Variants in DNER observed in about 807,000 individuals in gnomAD.
DNER encodes the protein delta and Notch-like epidermal growth factor-related receptor.
A neutral mutation model predicts 78.2 loss-of-function variants in DNER; 33 were observed. The ratio of observed to expected loss-of-function variants is 0.42; its 90% CI spans 0.32 to 0.56. The LOEUF is 0.56. DNER is among the 20% of genes least tolerant of loss of function. The pLI, the probability that DNER is intolerant of heterozygous loss-of-function variation, is 0.11. For synonymous variants in DNER, 417 were observed against 384.8 expected, an observed-to-expected ratio of 1.08 and a Z score of -0.98; for missense variants, 918 against 975.3, an observed-to-expected ratio of 0.94 and a Z score of 0.78.
intron 1 of DNER, among the ~76,000 whole-genome samples, chr2:229,678,967 A>C (rs918996721): frequency 9.9e-5 from 15 of 152,222 alleles, no homozygotes; most frequent in African/African-American, 3.6e-4. Context: ...GGGCTTCCCC[A>C]ATGCTCCCCA....
intron 11 of DNER, among the ~76,000 whole-genome samples, chr2:229,387,377 A>G (rs1465732253): frequency 6.6e-6 from 1 of 151,986 alleles, no homozygotes; most frequent in Non-Finnish European, 1.5e-5. Context: ...CGTAATGTAG[A>G]TAACAGGTTG....
chr2:229,448,410 G>C (rs567458729), intron 7 of DNER, among the ~76,000 whole-genome samples: 1 of 152,186 alleles, frequency 6.6e-6, no homozygotes, highest in East Asian at 1.9e-4. Flanking sequence ...GTCCACTGGG[G>C]TGGATGGAAA....
At chr2:229,536,809 G>T (rs1174286488) in intron 5 of DNER, among the ~76,000 whole-genome samples, 1 of 152,194 alleles carries the variant, frequency 6.6e-6, no homozygotes, top group African/African-American at 2.4e-5. Context: ...AATGAAGTGT[G>T]AAATCGGGCC....
At chr2:229,398,639 AAAC>A (rs899797877) in intron 10 of DNER, among the ~76,000 whole-genome samples, 7 of 152,120 alleles carry the variant, frequency 4.6e-5, no homozygotes, top group Non-Finnish European at 7.4e-5. Flanking sequence ...TTCTTTTTTA[AAAC>A]AACAACTTGA....
chr2:229,392,466 T>C (rs1693036364), intron 10 of DNER, among the ~76,000 whole-genome samples: 1 of 151,858 alleles, frequency 6.6e-6, no homozygotes, highest in African/African-American at 2.4e-5. Context: ...GTAGCTGTAA[T>C]TTGTAGGAAA....
intron 7 of DNER, among the ~76,000 whole-genome samples, chr2:229,464,023 T>C (rs934122353): frequency 2.0e-4 from 31 of 152,154 alleles, no homozygotes; most frequent in African/African-American, 7.5e-4. Context: ...GGAAGAACCC[T>C]ATGATGTGTG....
At chr2:229,399,334 A>G (rs1322139122) in intron 10 of DNER, among the ~76,000 whole-genome samples, 1 of 151,862 alleles carries the variant, frequency 6.6e-6, no homozygotes, top group African/African-American at 2.4e-5. Context: ...GCATATATAC[A>G]TACCTACTTG....
intron 11 of DNER, among the ~76,000 whole-genome samples, chr2:229,373,410 A>G (rs1429783298): frequency 6.6e-6 from 1 of 152,238 alleles, no homozygotes; most frequent in Non-Finnish European, 1.5e-5. Context: ...ACGTCCCACC[A>G]GTCAGAATGG....
intron 4 of DNER, among the ~76,000 whole-genome samples, chr2:229,551,941 T>A (rs531057789): frequency 6.9e-4 from 105 of 151,298 alleles, no homozygotes; most frequent in African/African-American, 2.3e-3. Context: ...AAAAAATAAA[T>A]AAATAAATAA....
chr2:229,491,036 C>A (rs1054397850), intron 6 of DNER, among the ~76,000 whole-genome samples: 2 of 152,184 alleles, frequency 1.3e-5, no homozygotes, highest in Non-Finnish European at 2.9e-5. Flanking sequence ...TGGCTCAGCC[C>A]AGTTCATGCC....
At chr2:229,599,675 C>T (rs1297860716) in intron 1 of DNER, among the ~76,000 whole-genome samples, 2 of 152,102 alleles carry the variant, frequency 1.3e-5, no homozygotes, top group African/African-American at 4.8e-5. Context: ...ATTTAAAATG[C>T]AACACTATCA....
At chr2:229,363,975 C>G (rs1029903508) in intron 12 of DNER, among the ~76,000 whole-genome samples, 1 of 125,584 alleles carries the variant, frequency 8.0e-6, no homozygotes, top group Non-Finnish European at 1.7e-5. Flanking sequence ...AGAAACTTGT[C>G]AATTCTCTGC....
At chr2:229,434,545 A>T (rs774052172) in intron 8 of DNER, among the ~76,000 whole-genome samples, 18 of 149,698 alleles carry the variant, frequency 1.2e-4, no homozygotes, top group Non-Finnish European at 1.5e-4. Context: ...GTAAATTCTG[A>T]ATTCTCTTCC....
At chr2:229,601,335 A>T (rs545282725) in intron 1 of DNER, among the ~76,000 whole-genome samples, 2 of 150,786 alleles carry the variant, frequency 1.3e-5, no homozygotes, top group East Asian at 3.9e-4. Flanking sequence ...ATAAAGATAT[A>T]AAAAAAAATC....
chr2:229,697,635 A>G (rs975217490), intron 1 of DNER, among the ~76,000 whole-genome samples: 4 of 152,302 alleles, frequency 2.6e-5, no homozygotes, highest in East Asian at 3.9e-4. Flanking sequence ...ATATGAACAA[A>G]CTTCATTGAT....
intron 7 of DNER, among the ~76,000 whole-genome samples, chr2:229,448,598 T>A (rs1196074990): frequency 6.6e-6 from 1 of 152,204 alleles, no homozygotes; most frequent in African/African-American, 2.4e-5. Flanking sequence ...ATGGTTACTG[T>A]GTAGGTGATT....
At chr2:229,661,581 A>C (rs1322726799) in intron 1 of DNER, among the ~76,000 whole-genome samples, 1 of 152,236 alleles carries the variant, frequency 6.6e-6, no homozygotes, top group Non-Finnish European at 1.5e-5. Context: ...AGTAAGAAGG[A>C]TAACCAAGTT....
At chr2:229,497,885 T>C (rs1490673543) in intron 6 of DNER, among the ~76,000 whole-genome samples, 1 of 152,102 alleles carries the variant, frequency 6.6e-6, no homozygotes, top group African/African-American at 2.4e-5. Flanking sequence ...ATTAAACATT[T>C]AAAGAGCTAA....
intron 1 of DNER, among the ~76,000 whole-genome samples, chr2:229,609,040 T>C (rs1001957829): frequency 6.6e-6 from 1 of 152,120 alleles, no homozygotes; most frequent in Admixed American, 6.5e-5. Context: ...CTGGCCAACA[T>C]GGTGAAACCC....
Sources: allele counts gnomAD v4.1 joint callset (sites outside exome capture counted in the v4.1 genomes callset), GRCh38; gene constraint gnomAD v4.1.1; transcripts MANE v1.5; gene names NCBI Gene and HGNC (gene_info 2026-07-23, HGNC 2026-07-21).